Variants in NRF1 observed in about 807,000 individuals in gnomAD.
NRF1 encodes nuclear respiratory factor 1.
A neutral mutation model predicts 58.5 loss-of-function variants in NRF1; 5 were observed. That is an observed-to-expected ratio of 0.09 (90% confidence interval 0.04 to 0.18). The LOEUF is 0.18. Ranked by LOEUF, NRF1 falls within the 10% of genes least tolerant of loss-of-function variation. The pLI is 1.00. For missense variants in NRF1, 288 were observed against 657.7 expected (o/e 0.44, Z 6.15); for synonymous variants, 224 against 246.7 (o/e 0.91, Z 0.86).
At chr7:129,752,459 T>A (rs1804142086) in intron 10 of NRF1, among the ~76,000 whole-genome samples, 1 of 152,180 alleles carries the variant, frequency 6.6e-6, no homozygotes, top group East Asian at 1.9e-4. Flanking sequence ...CGAAAGGCCT[T>A]GAAGACCATG....
At chr7:129,657,854 T>C (rs1801694000) in intron 2 of NRF1, among the ~76,000 whole-genome samples, 2 of 152,172 alleles carry the variant, frequency 1.3e-5, no homozygotes, top group South Asian at 2.1e-4. Flanking sequence ...CAAGCGATCC[T>C]TCTGCCTCGG....
In NRF1 at chr7:129,690,912, G is replaced by A. The variant is rs577327330; in HGVS notation, c.606+366G>A. Among the ~76,000 whole-genome samples the A allele has an allele frequency of 2.2e-4, 33 of 152,186 alleles. No homozygotes were observed. In the South Asian group the frequency reaches 6.7e-3, roughly 31 times the overall value. Reference sequence around the variant, plus strand: ...TAGCCAAGTAAACTTTTAGCCCTCGGGCTGCTCTGCTCCTCTTTCAATGTA... The same window carrying A: ...TAGCCAAGTAAACTTTTAGCCCTCGAGCTGCTCTGCTCCTCTTTCAATGTA... On this transcript the variant is annotated intron_variant, in intron 5 of 10. Transcript: ENST00000393232.
chr7:129,621,668 A>G (rs1800799231), intron 1 of NRF1, among the ~76,000 whole-genome samples: 1 of 152,190 alleles, frequency 6.6e-6, no homozygotes, highest in African/African-American at 2.4e-5. Context: ...CTAAGTCTAA[A>G]GAAGAAGTAA....
At chr7:129,718,036 A>G (rs1283613124) in intron 9 of NRF1, among the ~76,000 whole-genome samples, 1 of 152,134 alleles carries the variant, frequency 6.6e-6, no homozygotes, top group Non-Finnish European at 1.5e-5. Flanking sequence ...AAAATAATGA[A>G]CTTTTTTCTT....
intron 10 of NRF1, among the ~76,000 whole-genome samples, chr7:129,733,484 G>A (rs1192057440): frequency 6.6e-6 from 1 of 150,824 alleles, no homozygotes; most frequent in African/African-American, 2.4e-5. Flanking sequence ...AAAAGAAAAG[G>A]AAAGAAAACC....
intron 5 of NRF1, among the ~76,000 whole-genome samples, chr7:129,700,269 T>C (rs1323321274): frequency 6.6e-6 from 1 of 152,334 alleles, no homozygotes; most frequent in Non-Finnish European, 1.5e-5. Context: ...TTTTACAAAA[T>C]TTTTTTGAAA....
At chr7:129,743,647 A>G (rs2116303375) in intron 10 of NRF1, among the ~76,000 whole-genome samples, 1 of 152,338 alleles carries the variant, frequency 6.6e-6, no homozygotes, top group African/African-American at 2.4e-5. Context: ...TAGTGGTCCT[A>G]AGATACAGAA....
rs1438314171 is a variant in NRF1 at position 129,741,382 on chromosome 7, C to G, written c.1349-13636C>G. ...TTTAGGTCCGCAGATCTTTCGGAGT[C>G]TTTGTATGTAAAGGCAGATTTTGGT... On this transcript the variant is annotated intron_variant, in intron 10 of 10. Transcript: ENST00000393232. This position sits in a 1 kb window ranked among gnomAD's most constrained non-coding sequence, Gnocchi z 4.0. Among the ~76,000 whole-genome samples the G allele has an allele frequency of 6.6e-6, 1 of 152,158 alleles. No homozygotes were observed. The highest frequency in any genetic ancestry group is 2.4e-5 in the African/African-American group (1 of 41,428).
chr7:129,683,320 T>TGTGTGTGTGA (rs1334499896), intron 4 of NRF1, among the ~76,000 whole-genome samples: 1 of 136,384 alleles, frequency 7.3e-6, no homozygotes. Flanking sequence ...TGTGTGTGTG[T>TGTGTGTGTGA]GAGAGAGAGA....
chr7:129,719,293 C>T (rs1043733951), intron 9 of NRF1, among the ~76,000 whole-genome samples: 1 of 152,106 alleles, frequency 6.6e-6, no homozygotes, highest in Non-Finnish European at 1.5e-5. Flanking sequence ...CCACCACACA[C>T]GGCTAAGTTT....
chr7:129,669,364 C>A (rs561695104), intron 2 of NRF1, among the ~76,000 whole-genome samples: 5 of 152,182 alleles, frequency 3.3e-5, no homozygotes, highest in Non-Finnish European at 7.3e-5. Context: ...AAATATTGAA[C>A]TCTAGCTAAT....
chr7:129,742,866 G>A (rs530513542), intron 10 of NRF1, among the ~76,000 whole-genome samples: 1 of 152,092 alleles, frequency 6.6e-6, no homozygotes, highest in African/African-American at 2.4e-5. Context: ...CCTCAGTCAC[G>A]CTGGCCACAT....
intron 1 of NRF1, among the ~76,000 whole-genome samples, chr7:129,625,676 T>TG (rs1800897468): frequency 6.7e-4 from 1 of 1,486 alleles, no homozygotes; most frequent in Admixed American, 0.016. Flanking sequence ...AATGTTTTAA[T>TG]TTTTTTTTTT....
Position 129,618,794 on chromosome 7 carries a change from A to G in NRF1, c.-7+6970A>G, listed in dbSNP as rs562336717. Among the ~76,000 whole-genome samples the G allele has an allele frequency of 5.9e-5, 9 of 152,314 alleles. No individual in the cohort carries two copies. The South Asian group carries it at 1.9e-3, about 32-fold the overall frequency. On this transcript the variant is annotated intron_variant, in intron 1 of 10. Coordinates refer to ENST00000393232, the MANE Select transcript of NRF1 (RefSeq NM_005011.5). Reference sequence around the variant, plus strand: ...TTTTTTTTGACTTTGTAATGTTGGTATGCATATAATGAGATACCCTGGAGA... The same window carrying G: ...TTTTTTTTGACTTTGTAATGTTGGTGTGCATATAATGAGATACCCTGGAGA...
chr7:129,642,756 A>ACTTTTTTTTTTTTTTTTTTTTT lies in NRF1; in HGVS notation c.-6-14590_-6-14589insCTTTTTTTTTTTTTTTTTTTTT, dbSNP rs1562957544. Among the ~76,000 whole-genome samples the ACTTTTTTTTTTTTTTTTTTTTT allele has an allele frequency of 6.1e-5, 8 of 131,720 alleles. 2 individuals are homozygous for ACTTTTTTTTTTTTTTTTTTTTT. The East Asian group carries it at 1.3e-3, about 22-fold the overall frequency. 86.4% of individuals were successfully genotyped at this position (131,720 alleles called of 152,430 possible). On this transcript the variant is annotated intron_variant, in intron 1 of 10. Transcript: ENST00000393232. ...TTCTAAAAGAATACATTCTTTAAAA[A>ACTTTTTTTTTTTTTTTTTTTTT]ATTTTTTTTTTTTTTTTTTTAAATG...
At chr7:129,634,030 A>T (rs1336693334) in intron 1 of NRF1, among the ~76,000 whole-genome samples, 13 of 50,564 alleles carry the variant, frequency 2.6e-4, no homozygotes, top group Non-Finnish European at 2.6e-4. Context: ...ATCTGTATTT[A>T]AAAAAAAAAA....
chr7:129,676,913 A>C (rs1441244134), intron 3 of NRF1, among the ~76,000 whole-genome samples: 1 of 152,212 alleles, frequency 6.6e-6, no homozygotes, highest in African/African-American at 2.4e-5. Context: ...AGATATAAAC[A>C]ATCAATAAAA....
intron 4 of NRF1, among the ~76,000 whole-genome samples, chr7:129,683,121 T>C (rs1378632600): frequency 6.6e-6 from 1 of 151,914 alleles, no homozygotes; most frequent in Admixed American, 6.6e-5. Flanking sequence ...CGGGCTGGTC[T>C]TGAACTCCTG....
At chr7:129,652,303 G>GT (rs1174900296) in intron 1 of NRF1, among the ~76,000 whole-genome samples, 1 of 152,178 alleles carries the variant, frequency 6.6e-6, no homozygotes, top group African/African-American at 2.4e-5. Flanking sequence ...GCTGTATACT[G>GT]TTACATGATA....
Sources: gnomAD v4.1 joint callset for allele counts (sites outside exome capture counted in the v4.1 genomes callset) on GRCh38, gnomAD v4.1.1 for gene constraint, Gnocchi (gnomAD v3.1) non-coding constraint, MANE v1.5 for transcripts, NCBI Gene and HGNC (gene_info 2026-07-23, HGNC 2026-07-21) for gene names.